The following SYT1 variants were observed in gnomAD, a reference collection of about 807,000 sequenced individuals.
The protein encoded by SYT1 is synaptotagmin-1.
In SYT1, 8 loss-of-function variants were observed where a neutral mutation model predicts 44.8. The observed-to-expected ratio is 0.18, with a 90% confidence interval of 0.10 to 0.32. SYT1 has a LOEUF of 0.32. Ranked by LOEUF, SYT1 falls within the 10% of genes least tolerant of loss-of-function variation. The probability of loss-of-function intolerance (pLI) is 1.00; values close to 1 mark genes in which losing one functional copy is unlikely to be tolerated. For synonymous variants in SYT1, 154 were observed against 188.8 expected, an observed-to-expected ratio of 0.82 and a Z score of 1.51; for missense variants, 286 against 509.3, an observed-to-expected ratio of 0.56 and a Z score of 4.22.
chr12:78,870,274 T>C (rs992243152), intron 1 of SYT1, among the ~76,000 whole-genome samples: 3 of 152,116 alleles, frequency 2.0e-5, no homozygotes, highest in African/African-American at 7.2e-5. Flanking sequence ...TAGAAATTAA[T>C]TTCTGATTGA....
intron 3 of SYT1, among the ~76,000 whole-genome samples, chr12:79,124,579 T>C (rs533920001): frequency 3.0e-4 from 46 of 151,140 alleles, no homozygotes; most frequent in African/African-American, 9.7e-4. Context: ...CCATCACCAT[T>C]ATCATCATCA....
At chr12:79,369,090 C>T (rs1308066607) in intron 9 of SYT1, among the ~76,000 whole-genome samples, 1 of 152,186 alleles carries the variant, frequency 6.6e-6, no homozygotes, top group East Asian at 1.9e-4. Flanking sequence ...CCTCAAACAA[C>T]TAGCAAGACT....
At chr12:79,181,671 T>C (rs1872554589) in intron 3 of SYT1, among the ~76,000 whole-genome samples, 1 of 152,072 alleles carries the variant, frequency 6.6e-6, no homozygotes. Flanking sequence ...GGAACCACTG[T>C]GGATTCTCCT....
chr12:78,874,576 C>T (rs915570414), intron 1 of SYT1, among the ~76,000 whole-genome samples: 8 of 151,544 alleles, frequency 5.3e-5, no homozygotes, highest in African/African-American at 1.9e-4. Flanking sequence ...ATTTGACCAC[C>T]TTTGCTCCTC....
rs75260448 is a variant in SYT1, at chr12:79,261,686, G to T, written c.167-24101G>T. ...TTATTTAAAATGGGAAAGGGCATTA[G>T]CATTTATTAAATCTCATCTGTGTGC... On this transcript the variant is annotated intron_variant, in intron 4 of 10. Transcript: ENST00000261205. 3.9e-5 allele frequency among the ~76,000 whole-genome samples: 6 copies of T among 152,206 alleles called. No homozygotes were observed. The East Asian group carries it at 1.2e-3, about 29-fold the overall frequency.
chr12:79,384,347 C>T (rs945801795), intron 9 of SYT1, among the ~76,000 whole-genome samples: 5 of 151,772 alleles, frequency 3.3e-5, no homozygotes, highest in Non-Finnish European at 5.9e-5. Flanking sequence ...ATTTATATGC[C>T]AAAAAGAATC....
chr12:78,882,791 A>G lies in SYT1; in HGVS notation c.-217+17682A>G, dbSNP rs537242350. The stretch of plus-strand genomic sequence containing the variant: ...AAGTGAATGTAGAGAAGTGCTTTAA[A>G]TATATATTGCTAAAATTTTAACCTT... On this transcript the variant is annotated intron_variant, in intron 1 of 10. Transcript: ENST00000261205. Among the ~76,000 whole-genome samples the G allele has an allele frequency of 2.0e-5, 3 of 151,884 alleles. No homozygotes were observed. The East Asian group carries it at 5.8e-4, about 30-fold the overall frequency.
intron 1 of SYT1, among the ~76,000 whole-genome samples, chr12:78,911,098 C>T (rs1002448251): frequency 4.6e-5 from 7 of 151,938 alleles, no homozygotes; most frequent in African/African-American, 1.7e-4. Context: ...AATTATCATC[C>T]AAGCTTCAGT....
chr12:79,019,771 AT>A (rs1332026320), intron 2 of SYT1, among the ~76,000 whole-genome samples: 1 of 152,006 alleles, frequency 6.6e-6, no homozygotes, highest in Non-Finnish European at 1.5e-5. Flanking sequence ...CAGGAGTAAA[AT>A]TTGTCAGTGA....
intron 3 of SYT1, among the ~76,000 whole-genome samples, chr12:79,179,478 G>GAGATAT (rs71091644): frequency 1.7e-4 from 3 of 17,980 alleles, no homozygotes; most frequent in Admixed American, 1.1e-3. Flanking sequence ...TATAGATATA[G>GAGATAT]AGATATAGAT....
chr12:78,949,181 T>C (rs913289951), intron 1 of SYT1, among the ~76,000 whole-genome samples: 17 of 151,600 alleles, frequency 1.1e-4, no homozygotes, highest in African/African-American at 3.6e-4. Context: ...ACATATTTTT[T>C]GAACCATAGG....
At chr12:79,106,393 A>G (rs1016008849) in intron 3 of SYT1, among the ~76,000 whole-genome samples, 1 of 152,148 alleles carries the variant, frequency 6.6e-6, no homozygotes, top group Non-Finnish European at 1.5e-5. Flanking sequence ...CATATTCTAC[A>G]TGTCAATTGC....
At chr12:78,894,637 T>C (rs148644304) in intron 1 of SYT1, among the ~76,000 whole-genome samples, 1 of 151,560 alleles carries the variant, frequency 6.6e-6, no homozygotes, top group Non-Finnish European at 1.5e-5. Flanking sequence ...ATGAGCTAGT[T>C]CTTACAATTA....
chr12:79,204,602 A>G (rs1003343006), intron 3 of SYT1, among the ~76,000 whole-genome samples: 1 of 152,218 alleles, frequency 6.6e-6, no homozygotes, highest in Non-Finnish European at 1.5e-5. Flanking sequence ...CCATCTTACT[A>G]TACAAAAGTT....
intron 4 of SYT1, among the ~76,000 whole-genome samples, chr12:79,255,151 G>A (rs1295857700): frequency 6.6e-6 from 1 of 152,130 alleles, no homozygotes; most frequent in Non-Finnish European, 1.5e-5. Flanking sequence ...GGAAGAGTTG[G>A]TTGATGCAGC....
intron 3 of SYT1, among the ~76,000 whole-genome samples, chr12:79,169,686 T>C (rs977464077): frequency 2.6e-5 from 4 of 151,854 alleles, no homozygotes; most frequent in Non-Finnish European, 5.9e-5. Context: ...AGGAGAGAGG[T>C]ATGAGTAGAG....
chr12:79,006,548 AG>A (rs144672349), intron 2 of SYT1, among the ~76,000 whole-genome samples: 11,412 of 152,166 alleles, frequency 0.075, 553 homozygotes, highest in East Asian at 0.15. Flanking sequence ...GGCAGTCAGT[AG>A]GGATAAGTAT....
intron 3 of SYT1, among the ~76,000 whole-genome samples, chr12:79,147,465 A>T (rs1487865326): frequency 6.6e-6 from 1 of 152,210 alleles, no homozygotes; most frequent in Non-Finnish European, 1.5e-5. Context: ...ACTGATTTTT[A>T]AAATATTTTT....
chr12:79,199,285 C>T (rs1276702627), intron 3 of SYT1, among the ~76,000 whole-genome samples: 1 of 152,132 alleles, frequency 6.6e-6, no homozygotes, highest in Non-Finnish European at 1.5e-5. Context: ...CTCTAACACC[C>T]TCTGCAAAAT....
Sources: allele counts gnomAD v4.1 joint callset (sites outside exome capture counted in the v4.1 genomes callset), GRCh38; gene constraint gnomAD v4.1.1; transcripts MANE v1.5; gene names NCBI Gene and HGNC (gene_info 2026-07-23, HGNC 2026-07-21).